Variants in LCT observed in about 807,000 individuals in gnomAD.
LCT encodes the protein lactase/phlorizin hydrolase.
LCT carries 90 observed loss-of-function variants against 173.0 expected under a neutral mutation model. The observed-to-expected ratio is 0.52, with a 90% CI of 0.44 to 0.62. LCT has a LOEUF of 0.62. Ranked by LOEUF, LCT falls within the 20% of genes least tolerant of loss-of-function variation. LCT has a pLI of 0.00. For missense variants in LCT, 1,864 were observed against 2,431.4 expected, an observed-to-expected ratio of 0.77 and a Z score of 4.91; for synonymous variants, 853 against 957.6, an observed-to-expected ratio of 0.89 and a Z score of 2.02.
intron 5 of LCT, chr2:135,821,803 G>A (rs187499484): frequency 4.0e-5 from 22 of 556,638 alleles, no homozygotes; most frequent in East Asian, 2.5e-4. Flanking sequence ...ACAGTTGGGC[G>A]AACTGACAGA....
Position 135,804,974 on chromosome 2 carries a change from A to G in LCT, c.4257T>C (p.Asp1419=). 1 of 1,614,214 alleles carries G rather than the reference A, an allele frequency of 6.2e-7. No individual in the cohort carries two copies. The highest frequency in any genetic ancestry group is 8.5e-7 in the Non-Finnish European group (1 of 1,180,034). ...FSHTPLRVEN[D]AIGDVACDSY... Reference sequence around the variant, plus strand: ...TGTCACAGGCCACGTCTCCAATGGCATCGTTCTCAACCCTCAGTGGTGTGT... The same window carrying G: ...TGTCACAGGCCACGTCTCCAATGGCGTCGTTCTCAACCCTCAGTGGTGTGT... The change falls in exon 10 of 17, where the codon GAT becomes GAC. Residue 1419 remains aspartate, a synonymous_variant. Transcript: ENST00000264162.
chr2:135,831,511 T>C (rs1479639747), intron 2 of LCT, among the ~76,000 whole-genome samples: 2 of 152,162 alleles, frequency 1.3e-5, no homozygotes, highest in African/African-American at 4.8e-5. Context: ...CCAGAAGCAT[T>C]TCACAGCATG....
intron 7 of LCT, 22 bp from the exon 8 acceptor site, chr2:135,810,015 A>G (rs752557316): frequency 6.8e-7 from 1 of 1,480,004 alleles, no homozygotes; most frequent in Admixed American, 1.7e-5. Context: ...AATAAAAATT[A>G]GATTTATTTA....
At chr2:135,807,482 T>A in intron 8 of LCT, 86 bp from the exon 9 acceptor site, 1 of 1,303,626 alleles carries the variant, frequency 7.7e-7, no homozygotes, top group South Asian at 1.2e-5. Context: ...AGCTCCTCAA[T>A]TCAAGGTTGT....
Position 135,790,651 on chromosome 2 carries a change from G to T in LCT, c.5335+7C>A. ...GTGCACGCTGGGGAAGGGCGGGCCC[G>T]TCGTACCTTTGAGGGCCTCATTGAT... On this transcript the variant is annotated splice_region_variant and intron_variant, in intron 15 of 16. Transcript: ENST00000264162. The surrounding 1 kb of genome is among the most constrained non-coding windows in gnomAD (Gnocchi z 4.1). 1.9e-6 allele frequency: 3 copies of T among 1,584,516 alleles called. No individual in the cohort carries two copies. Among genetic ancestry groups the T allele is most frequent in the Non-Finnish European group, 1.7e-6 (2 of 1,154,568 alleles).
chr2:135,830,225 G>A (rs2077924596), intron 2 of LCT, among the ~76,000 whole-genome samples: 1 of 152,070 alleles, frequency 6.6e-6, no homozygotes, highest in African/African-American at 2.4e-5. Flanking sequence ...TACGCACTGG[G>A]GACTTCCTCT....
At chr2:135,816,967 C>T (rs1178586135) in intron 6 of LCT, among the ~76,000 whole-genome samples, 2 of 151,974 alleles carry the variant, frequency 1.3e-5, no homozygotes, top group Non-Finnish European at 2.9e-5. Context: ...ATACCAGGCT[C>T]AAGCGATCCT....
At chr2:135,791,007 T>C in intron 14 of LCT, 126 bp from the exon 15 acceptor site, 2 of 759,958 alleles carry the variant, frequency 2.6e-6, no homozygotes, top group Non-Finnish European at 4.6e-6. Context: ...AGAATCATAC[T>C]AAACCCAGAA....
chr2:135,801,390 A>T (rs2077626665), intron 11 of LCT, among the ~76,000 whole-genome samples: 1 of 152,074 alleles, frequency 6.6e-6, no homozygotes, highest in African/African-American at 2.4e-5. Context: ...TTCAGAAAGG[A>T]CTATATGTAC....
rs1429523212 is a variant in LCT at position 135,787,950 on chromosome 2, G to A, written c.*374C>T. 6.6e-6 allele frequency: 2 copies of A among 303,512 alleles called. No homozygotes were observed. The highest frequency in any genetic ancestry group is 1.3e-5 in the Non-Finnish European group (2 of 157,066). 18.8% of individuals were successfully genotyped at this position (303,512 alleles called of 1,614,324 possible). On this transcript the variant is annotated 3_prime_UTR_variant, in exon 17 of 17. Transcript: ENST00000264162. ...ATATTGCAGTCTATGCAATGGAGTT[G>A]ATTTCTTCTTATAGGAAGGATTTTT...
chr2:135,815,751 G>C (rs1220710993), intron 6 of LCT, among the ~76,000 whole-genome samples: 1 of 152,106 alleles, frequency 6.6e-6, no homozygotes, highest in African/African-American at 2.4e-5. Flanking sequence ...CCAGGCTGGA[G>C]TGCAGTGGCA....
chr2:135,809,192 G>T lies in LCT; in HGVS notation c.3155C>A (p.Thr1052Asn). 2 of 1,614,184 alleles carry T rather than the reference G, an allele frequency of 1.2e-6. No individual in the cohort carries two copies. Among genetic ancestry groups the T allele is most frequent in the South Asian group, 1.1e-5 (1 of 91,088 alleles). ...FDSYADFCFQ[T>N]FGDRVKFWMT... ...CCAAAACTTGACTCTATCACCAAAG[G>T]TCTGGAAACAAAAGTCTGCGTAGCT... is the stretch of plus-strand genomic sequence containing the variant. Residue 1052 changes from threonine (T) to asparagine (N), a missense_variant, in exon 8 of 17, where the codon ACC (threonine) becomes AAC (asparagine). Thr to Asn is a moderately conservative substitution (Grantham distance 65). Around this residue, in one of 4 missense-constraint regions of LCT, gnomAD observed 755 missense variants for 926.3 expected, o/e 0.82. Transcript: ENST00000264162. The surrounding 1 kb of genome is among the most constrained non-coding windows in gnomAD (Gnocchi z 5.5).
chr2:135,801,358 T>C (rs1369204185), intron 11 of LCT, among the ~76,000 whole-genome samples: 2 of 152,130 alleles, frequency 1.3e-5, no homozygotes, highest in African/African-American at 4.8e-5. Flanking sequence ...TTCTATTGAG[T>C]TAGCTTCAAA....
At chr2:135,816,197 G>A (rs980067344) in intron 6 of LCT, among the ~76,000 whole-genome samples, 2 of 152,186 alleles carry the variant, frequency 1.3e-5, no homozygotes, top group African/African-American at 4.8e-5. Flanking sequence ...TTGTTGAAAC[G>A]ATGCCCTGAC....
intron 3 of LCT, among the ~76,000 whole-genome samples, chr2:135,827,242 G>A (rs1431857218): frequency 6.6e-6 from 1 of 152,214 alleles, no homozygotes; most frequent in Non-Finnish European, 1.5e-5. Flanking sequence ...ACCTCCCAAA[G>A]TGCTGGGATT....
intron 2 of LCT, among the ~76,000 whole-genome samples, chr2:135,829,890 T>G (rs1294140103): frequency 2.6e-5 from 4 of 151,412 alleles, no homozygotes; most frequent in African/African-American, 7.3e-5. Flanking sequence ...TGTATGTTGT[T>G]GGGAATGCAT....
In LCT at chr2:135,808,536, T is replaced by C. The variant is rs1177154694; in HGVS notation, c.3811A>G (p.Ile1271Val). Residue 1271 changes from isoleucine to valine, a missense_variant, in exon 8 of 17, where the codon ATC becomes GTC. Ile to Val is a conservative substitution (Grantham distance 29). Transcript: ENST00000264162. Reference sequence around the variant, plus strand: ...GTCAGCCCCACTCCGTTTTCGGTGATGTAAATGGGGATGTCACCATACTCT... The same window carrying C: ...GTCAGCCCCACTCCGTTTTCGGTGACGTAAATGGGGATGTCACCATACTCT... ...KEEYGDIPIY[I>V]TENGVGLTNP... 1.2e-6 allele frequency: 2 copies of C among 1,614,208 alleles called. No individual in the cohort carries two copies. Among genetic ancestry groups the C allele is most frequent in the Non-Finnish European group, 1.7e-6 (2 of 1,180,040 alleles).
In LCT at chr2:135,809,337, T is replaced by C; in HGVS notation, c.3010A>G (p.Ile1004Val). 1 of 1,614,238 alleles carries C rather than the reference T, an allele frequency of 6.2e-7. No individual in the cohort carries two copies. The highest frequency in any genetic ancestry group is 8.5e-7 in the Non-Finnish European group (1 of 1,180,048). ...SHGVDYYNRL[I>V]NGLVASNIFP... ...ATGTTGCTTGCCACCAAGCCATTGA[T>C]CAGCCTGTTGTAATAATCAACCCCA... The change falls in exon 8 of 17, where the codon ATC (isoleucine) becomes GTC (valine). Residue 1004 changes from isoleucine to valine, a missense_variant. Ile to Val is a conservative substitution (Grantham distance 29). This residue lies in a region of LCT where 755 missense variants were observed against 926.3 expected (regional missense o/e 0.82). Coordinates refer to ENST00000264162, the MANE Select transcript of LCT (RefSeq NM_002299.4). The surrounding 1 kb of genome is among the most constrained non-coding windows in gnomAD (Gnocchi z 5.5).
chr2:135,804,172 A>G lies in LCT; in HGVS notation c.4465-44T>C, dbSNP rs770776942. The G allele has an allele frequency of 1.7e-5, 25 of 1,505,998 alleles. No homozygotes were observed. In the South Asian group the frequency reaches 2.6e-4, roughly 16 times the overall value. 93.3% of individuals were successfully genotyped at this position (1,505,998 alleles called of 1,614,324 possible). A position where few individuals can be genotyped will look rare whatever the true frequency, so the allele number is the denominator to read the frequency against. On this transcript the variant is annotated intron_variant, in intron 10 of 16. Transcript: ENST00000264162. ...AGCTGTTGCATCAGTCATGCTTTCC[A>G]TGGGAAGCCCTAGGTTAGATGTGCC...
Sources: gnomAD v4.1 joint callset for allele counts (sites outside exome capture counted in the v4.1 genomes callset) on GRCh38, gnomAD v4.1.1 for gene constraint, gnomAD v4.1.1 regional missense constraint, Gnocchi (gnomAD v3.1) non-coding constraint, MANE v1.5 for transcripts, NCBI Gene and HGNC (gene_info 2026-07-23, HGNC 2026-07-21) for gene names.